ZMYM4: variants seen among roughly 807,000 people sequenced by gnomAD.
The protein encoded by ZMYM4 is zinc finger MYM-type containing 4.
A neutral mutation model predicts 183.2 loss-of-function variants in ZMYM4; 31 were observed. The observed-to-expected ratio is 0.17, with a 90% CI of 0.13 to 0.23. ZMYM4 has a LOEUF of 0.23. Ranked by LOEUF, ZMYM4 falls within the 10% of genes least tolerant of loss-of-function variation. The pLI, the probability that ZMYM4 is intolerant of heterozygous loss-of-function variation, is 1.00. For synonymous variants in ZMYM4, 592 were observed against 631.2 expected (o/e 0.94, Z 0.93); for missense variants, 1,273 against 1,840.3 (o/e 0.69, Z 5.64).
chr1:35,402,616 C>G (rs999540256), intron 23 of ZMYM4, among the ~76,000 whole-genome samples: 4 of 150,878 alleles, frequency 2.7e-5, no homozygotes, highest in African/African-American at 9.7e-5. Flanking sequence ...GAGACCCTGT[C>G]TCAAAAAAAA....
intron 2 of ZMYM4, among the ~76,000 whole-genome samples, chr1:35,354,118 C>T (rs991744137): frequency 2.0e-5 from 3 of 151,994 alleles, no homozygotes; most frequent in Admixed American, 1.3e-4. Context: ...CACTGCACTC[C>T]AGCCTGGGTG....
Position 35,397,502 on chromosome 1 carries a change from A to G in ZMYM4, c.3156A>G (p.Glu1052=), listed in dbSNP as rs1485741960. The G allele has an allele frequency of 1.2e-6, 2 of 1,613,270 alleles. No homozygotes were observed. Among genetic ancestry groups the G allele is most frequent in the African/African-American group, 1.3e-5 (1 of 74,906 alleles). Residue 1052 remains glutamate, a synonymous_variant, in exon 20 of 30, where the codon GAA becomes GAG. Transcript: ENST00000314607. Reference sequence around the variant, plus strand: ...AAGCTGATCTCCTTGAGATGGCAGAAATGATTGCAGAAGATGAAGAGAAGA... The same window carrying G: ...AAGCTGATCTCCTTGAGATGGCAGAGATGATTGCAGAAGATGAAGAGAAGA... The part of the protein sequence containing the change: ...PFEADLLEMA[E]MIAEDEEKKT...
intron 1 of ZMYM4, among the ~76,000 whole-genome samples, chr1:35,324,315 T>A (rs1158067061): frequency 2.0e-5 from 3 of 152,154 alleles, no homozygotes; most frequent in Admixed American, 2.0e-4. Context: ...GCCAGGATGG[T>A]CTTGATCTCC....
At chr1:35,282,290 A>G (rs1640213976) in intron 1 of ZMYM4, among the ~76,000 whole-genome samples, 1 of 152,130 alleles carries the variant, frequency 6.6e-6, no homozygotes. Flanking sequence ...GCAAGGTTCT[A>G]CCTTTTGTAA....
chr1:35,385,934 A>G (rs1644565883), intron 10 of ZMYM4, 140 bp from the exon 11 acceptor site: 3 of 572,970 alleles, frequency 5.2e-6, no homozygotes, highest in Admixed American at 7.7e-5. Flanking sequence ...TTTTGTCTAT[A>G]TGTGACATGA....
At chr1:35,307,503 A>G (rs1045361251) in intron 1 of ZMYM4, among the ~76,000 whole-genome samples, 29 of 150,406 alleles carry the variant, frequency 1.9e-4, no homozygotes, top group African/African-American at 7.0e-4. Context: ...TGTTTAAAAA[A>G]AATTTTTAAT....
intron 7 of ZMYM4, among the ~76,000 whole-genome samples, chr1:35,377,930 C>T (rs1036411761): frequency 2.6e-5 from 4 of 152,146 alleles, no homozygotes; most frequent in African/African-American, 9.7e-5. Context: ...AAGAACTTTC[C>T]AAATTGGAAT....
chr1:35,356,549 C>G (rs1643825901), intron 2 of ZMYM4, among the ~76,000 whole-genome samples: 1 of 152,158 alleles, frequency 6.6e-6, no homozygotes, highest in Non-Finnish European at 1.5e-5. Context: ...AGCAAACGTT[C>G]TTATGATAGA....
intron 23 of ZMYM4, among the ~76,000 whole-genome samples, chr1:35,404,570 G>A (rs951882291): frequency 3.3e-5 from 5 of 152,112 alleles, no homozygotes; most frequent in African/African-American, 1.2e-4. Flanking sequence ...GACCCATAGA[G>A]CTGTTTAATT....
At chr1:35,411,348 G>A (rs1639887357) in intron 26 of ZMYM4, among the ~76,000 whole-genome samples, 1 of 151,734 alleles carries the variant, frequency 6.6e-6, no homozygotes, top group East Asian at 1.9e-4. Context: ...GTAGAGATAG[G>A]GTTTCACTGT....
intron 1 of ZMYM4, among the ~76,000 whole-genome samples, chr1:35,279,904 C>CT (rs1307866354): frequency 6.6e-6 from 1 of 152,182 alleles, no homozygotes; most frequent in Non-Finnish European, 1.5e-5. Context: ...TATGTATTCT[C>CT]TAAGACTACA....
At chr1:35,395,369 G>A (rs1230504903) in intron 18 of ZMYM4, among the ~76,000 whole-genome samples, 2 of 148,960 alleles carry the variant, frequency 1.3e-5, no homozygotes, top group East Asian at 3.9e-4. Context: ...GCTGAGGCGG[G>A]AGGATCACTT....
intron 1 of ZMYM4, among the ~76,000 whole-genome samples, chr1:35,307,569 C>G (rs1313657951): frequency 1.0e-4 from 15 of 145,126 alleles, no homozygotes; most frequent in African/African-American, 3.8e-4. Context: ...GAGTCTTGCT[C>G]TGTCGCCCAG....
Position 35,323,551 on chromosome 1 carries a change from G to GT in ZMYM4, c.40-1799dup, listed in dbSNP as rs954159076. Among the ~76,000 whole-genome samples the GT allele has an allele frequency of 1.5e-3, 222 of 146,252 alleles. 1 individual carries two copies. The highest frequency in any genetic ancestry group is 3.6e-3 in the Middle Eastern group (1 of 276). ...GTTTTTTGTTTTTTGTTTTTTTGGTGTTTTTTTTTTGAGACAGAGTCTCGC... is the reference window on the plus strand; with the variant it reads ...GTTTTTTGTTTTTTGTTTTTTTGGTGTTTTTTTTTTTGAGACAGAGTCTCGC... On this transcript the variant is annotated intron_variant, in intron 1 of 29. Coordinates refer to ENST00000314607, the MANE Select transcript of ZMYM4 (RefSeq NM_005095.3).
chr1:35,398,340 G>A, intron 20 of ZMYM4, 73 bp from the exon 21 acceptor site: 2 of 1,287,932 alleles, frequency 1.6e-6, no homozygotes, highest in African/African-American at 1.5e-5. Context: ...GATGTATATA[G>A]TGCAGTCATT....
chr1:35,287,771 A>C (rs1033752321), intron 1 of ZMYM4, among the ~76,000 whole-genome samples: 6 of 151,800 alleles, frequency 4.0e-5, no homozygotes, highest in African/African-American at 1.2e-4. Flanking sequence ...ATGCCTGGCT[A>C]ATTTTTGTAT....
intron 17 of ZMYM4, among the ~76,000 whole-genome samples, 170 bp downstream of exon 17, chr1:35,392,854 T>C (rs772798667): frequency 1.3e-5 from 2 of 152,192 alleles, no homozygotes; most frequent in East Asian, 3.8e-4. Context: ...TAAATAGGTC[T>C]TTTATGTACT....
rs576277396 is a variant in ZMYM4, at chr1:35,302,200, C to CTTTTTTTTT, written c.40-23143_40-23135dup. Reference sequence around the variant, plus strand: ...ATCCACAAGCTAAAAACGGCTCTTGCTTTTTTTTTTTTTTTTTTTTTTTTT... The same window carrying CTTTTTTTTT: ...ATCCACAAGCTAAAAACGGCTCTTGCTTTTTTTTTTTTTTTTTTTTTTTTTTTTTTTTTT... On this transcript the variant is annotated intron_variant, in intron 1 of 29. Transcript: ENST00000314607. 4.6e-4 allele frequency among the ~76,000 whole-genome samples: 27 copies of CTTTTTTTTT among 58,550 alleles called. 3 individuals carry two copies. Among genetic ancestry groups the CTTTTTTTTT allele is most frequent in the African/African-American group, 1.4e-3 (22 of 15,524 alleles). The allele number at this position is 58,550 out of a possible 152,430, so 38.4% of individuals were successfully genotyped here.
chr1:35,385,938 G>A (rs2148977243), intron 10 of ZMYM4, 136 bp from the exon 11 acceptor site: 1 of 579,508 alleles, frequency 1.7e-6, no homozygotes, highest in Non-Finnish European at 2.9e-6. Context: ...GTCTATATGT[G>A]ACATGATTTA....
Sources: gnomAD v4.1 joint callset for allele counts (sites outside exome capture counted in the v4.1 genomes callset) on GRCh38, gnomAD v4.1.1 for gene constraint, MANE v1.5 for transcripts, NCBI Gene and HGNC (gene_info 2026-07-23, HGNC 2026-07-21) for gene names.